Variants in LTBP1 observed in about 807,000 individuals in gnomAD.
LTBP1 encodes the protein latent-transforming growth factor beta-binding protein 1.
In LTBP1, 129 loss-of-function variants were observed where a neutral mutation model predicts 207.6. The observed-to-expected ratio is 0.62, with a 90% CI of 0.54 to 0.72. The LOEUF (loss-of-function observed/expected upper bound fraction) is 0.72, where lower values mean the gene tolerates loss of function less well. Ranked by LOEUF, LTBP1 falls within the 30% of genes least tolerant of loss-of-function variation. LTBP1 has a pLI of 0.00. For missense variants in LTBP1, 2,281 were observed against 2,217.2 expected, an observed-to-expected ratio of 1.03 and a Z score of -0.58; for synonymous variants, 963 against 833.7, an observed-to-expected ratio of 1.16 and a Z score of -2.67.
intron 3 of LTBP1, among the ~76,000 whole-genome samples, chr2:33,038,687 A>G (rs1180330250): frequency 6.6e-6 from 1 of 152,236 alleles, no homozygotes; most frequent in Non-Finnish European, 1.5e-5. Context: ...AGTTCTGAGA[A>G]GTAGAAAATA....
chr2:33,316,941 A>G (rs756487386), intron 24 of LTBP1, among the ~76,000 whole-genome samples: 4 of 152,288 alleles, frequency 2.6e-5, no homozygotes, highest in Non-Finnish European at 4.4e-5. Context: ...TGGTATAACT[A>G]CTGATGGTTG....
At chr2:33,274,204 G>T (rs1233583256) in intron 16 of LTBP1, among the ~76,000 whole-genome samples, 9 of 151,542 alleles carry the variant, frequency 5.9e-5, no homozygotes, top group Non-Finnish European at 1.2e-4. Flanking sequence ...CATATATGCT[G>T]GCCTGAAGGT....
intron 20 of LTBP1, among the ~76,000 whole-genome samples, chr2:33,299,499 TTTATATC>T (rs2093943599): frequency 6.6e-6 from 1 of 152,182 alleles, no homozygotes. Flanking sequence ...GCTAAAGTGT[TTTATATC>T]TATTCCCTTC....
intron 22 of LTBP1, among the ~76,000 whole-genome samples, chr2:33,302,828 C>T (rs1344268417): frequency 1.3e-5 from 2 of 151,678 alleles, no homozygotes; most frequent in Non-Finnish European, 2.9e-5. Context: ...TTTGGGAGGC[C>T]GAGGCAGGTG....
chr2:33,331,692 A>G (rs1016107025), intron 24 of LTBP1, among the ~76,000 whole-genome samples: 4 of 152,110 alleles, frequency 2.6e-5, no homozygotes, highest in African/African-American at 9.7e-5. Flanking sequence ...CTATATGTCA[A>G]TTAGGGCCAG....
intron 3 of LTBP1, among the ~76,000 whole-genome samples, chr2:33,033,614 C>CT (rs36113954): frequency 2.2e-3 from 308 of 138,028 alleles, no homozygotes; most frequent in African/African-American, 3.1e-3. Flanking sequence ...AAAAAAGGGA[C>CT]TTTTTTTTTT....
intron 7 of LTBP1, among the ~76,000 whole-genome samples, chr2:33,202,346 A>T (rs1029887858): frequency 2.0e-5 from 3 of 152,154 alleles, no homozygotes; most frequent in African/African-American, 7.2e-5. Flanking sequence ...AGATGGGTAG[A>T]TGGTTGGGTC....
At chr2:33,023,582 C>T (rs1016030300) in intron 3 of LTBP1, among the ~76,000 whole-genome samples, 3 of 152,092 alleles carry the variant, frequency 2.0e-5, no homozygotes, top group Non-Finnish European at 4.4e-5. Context: ...CCTACTGGTG[C>T]ACTTTTAAGT....
intron 5 of LTBP1, among the ~76,000 whole-genome samples, chr2:33,138,533 C>A (rs1411132320): frequency 6.6e-6 from 1 of 151,952 alleles, no homozygotes; most frequent in Non-Finnish European, 1.5e-5. Flanking sequence ...GGGTGGGCTG[C>A]AGGTTCACCG....
chr2:33,325,843 G>A (rs767230188), intron 24 of LTBP1, among the ~76,000 whole-genome samples: 1 of 152,112 alleles, frequency 6.6e-6, no homozygotes, highest in Non-Finnish European at 1.5e-5. Context: ...ACCTACAGGT[G>A]TAGAAAGGTG....
chr2:33,045,683 A>T (rs2076408759), intron 3 of LTBP1, among the ~76,000 whole-genome samples: 1 of 152,184 alleles, frequency 6.6e-6, no homozygotes, highest in African/African-American at 2.4e-5. Flanking sequence ...GATAGCATTG[A>T]ATCTATAAAT....
At chr2:33,378,556 T>G in intron 31 of LTBP1, among the ~76,000 whole-genome samples, 1 of 152,116 alleles carries the variant, frequency 6.6e-6, no homozygotes, top group Middle Eastern at 3.2e-3. Context: ...TTAAATAAAA[T>G]TTGCTCTTCT....
chr2:33,351,367 A>AT (rs1342780863), intron 26 of LTBP1, among the ~76,000 whole-genome samples: 1 of 152,200 alleles, frequency 6.6e-6, no homozygotes, highest in Non-Finnish European at 1.5e-5. Context: ...TCACTTCACC[A>AT]TTTCTAATTT....
In LTBP1 at chr2:32,961,625, TC is replaced by T. The variant is rs1315933190; in HGVS notation, c.565+12681del. Among the ~76,000 whole-genome samples, 3 of 152,198 alleles carry T rather than the reference TC, an allele frequency of 2.0e-5. No individual in the cohort carries two copies. In the East Asian group the frequency reaches 5.8e-4, roughly 29 times the overall value. Reference sequence around the variant, plus strand: ...TCCGCCTGCCATTTTGTGGTAAAGATCAAGTCAAATGAGGCTCATCACAGTG... The same window carrying T: ...TCCGCCTGCCATTTTGTGGTAAAGATAAGTCAAATGAGGCTCATCACAGTG... On this transcript the variant is annotated intron_variant, in intron 2 of 33. Coordinates refer to ENST00000404816, the MANE Select transcript of LTBP1 (RefSeq NM_206943.4).
chr2:33,226,336 T>C (rs1222052144), intron 9 of LTBP1, among the ~76,000 whole-genome samples: 1 of 152,210 alleles, frequency 6.6e-6, no homozygotes, highest in African/African-American at 2.4e-5. Flanking sequence ...TATTGCAGTA[T>C]AATCTAAAGT....
chr2:33,316,537 G>A (rs1426121110), intron 24 of LTBP1, among the ~76,000 whole-genome samples: 1 of 152,168 alleles, frequency 6.6e-6, no homozygotes. Flanking sequence ...TGCCAGATTT[G>A]ACTAGAACTG....
intron 3 of LTBP1, among the ~76,000 whole-genome samples, chr2:33,037,112 C>T (rs1231678075): frequency 6.6e-6 from 1 of 151,686 alleles, no homozygotes; most frequent in Non-Finnish European, 1.5e-5. Context: ...GATTTTTTTT[C>T]CATATGGCTA....
At chr2:33,310,131 G>A (rs1472426236) in intron 23 of LTBP1, among the ~76,000 whole-genome samples, 1 of 151,826 alleles carries the variant, frequency 6.6e-6, no homozygotes, top group Non-Finnish European at 1.5e-5. Flanking sequence ...TATTTTTACT[G>A]GAGACGGGGG....
At chr2:33,127,094 T>G (rs1432826652) in intron 4 of LTBP1, among the ~76,000 whole-genome samples, 2 of 152,232 alleles carry the variant, frequency 1.3e-5, no homozygotes, top group Non-Finnish European at 2.9e-5. Context: ...TGGATTTTTA[T>G]TGCTTGTGTG....
Sources: gnomAD v4.1 joint callset for allele counts (sites outside exome capture counted in the v4.1 genomes callset) on GRCh38, gnomAD v4.1.1 for gene constraint, MANE v1.5 for transcripts, NCBI Gene and HGNC (gene_info 2026-07-23, HGNC 2026-07-21) for gene names.